Variants in GNB1 observed in about 807,000 individuals in gnomAD.
GNB1 encodes the protein guanine nucleotide-binding protein G(I)/G(S)/G(T) subunit beta-1.
In GNB1, 2 loss-of-function variants were observed where a neutral mutation model predicts 42.9. The ratio of observed to expected loss-of-function variants is 0.05; its 90% confidence interval spans 0.02 to 0.15. GNB1 has a LOEUF of 0.15. GNB1 is among the 10% of genes least tolerant of loss of function. The pLI, the probability that GNB1 is intolerant of heterozygous loss-of-function variation, is 1.00. For synonymous variants in GNB1, 183 were observed against 174.7 expected (o/e 1.05, Z -0.38); for missense variants, 193 against 462.2 (o/e 0.42, Z 5.34).
rs1181902681 is a variant in GNB1, at chr1:1,786,883, A to C, written c.*180T>G. The stretch of plus-strand genomic sequence containing the variant: ...TTACAGCACAGAGATCTTTCTCTCA[A>C]TGGGAATTGTGCTCTTGGTTTCAGC... On this transcript the variant is annotated 3_prime_UTR_variant, in exon 12 of 12. Transcript: ENST00000378609. 1 of 152,916 alleles carries C rather than the reference A, an allele frequency of 6.5e-6. No homozygotes were observed. The allele number at this position is 152,916 out of a possible 1,614,324, so 9.5% of individuals were successfully genotyped here.
At chr1:1,792,849 TGAG>T (rs1452340876) in intron 8 of GNB1, among the ~76,000 whole-genome samples, 2 of 152,132 alleles carry the variant, frequency 1.3e-5, no homozygotes, top group Non-Finnish European at 2.9e-5. Context: ...GCAGGTCACC[TGAG>T]GTCAGGAGTT....
chr1:1,813,156 CT>C (rs554717267), intron 5 of GNB1, among the ~76,000 whole-genome samples: 146 of 145,296 alleles, frequency 1.0e-3, no homozygotes, highest in Middle Eastern at 3.6e-3. Flanking sequence ...AACATTTTTT[CT>C]TTTTTTTTTT....
chr1:1,856,684 C>T (rs1175295957), intron 1 of GNB1, among the ~76,000 whole-genome samples: 1 of 152,176 alleles, frequency 6.6e-6, no homozygotes, highest in Admixed American at 6.5e-5. Flanking sequence ...CCTTGGCCTC[C>T]CAAAGTGCTG....
At chr1:1,799,139 C>G in intron 7 of GNB1, among the ~76,000 whole-genome samples, 1 of 152,144 alleles carries the variant, frequency 6.6e-6, no homozygotes, top group East Asian at 1.9e-4. Flanking sequence ...CCAGGATGGT[C>G]TCGATCTCCT....
Position 1,807,463 on chromosome 1 carries a change from GAAAAAAAAAAAAAAA to G in GNB1, c.204-940_204-926del, listed in dbSNP as rs533616486. Among the ~76,000 whole-genome samples, 76 of 25,588 alleles carry G rather than the reference GAAAAAAAAAAAAAAA, an allele frequency of 3.0e-3. 2 individuals are homozygous for G. Among genetic ancestry groups the G allele is most frequent in the African/African-American group, 0.016 (70 of 4,430 alleles). 16.8% of individuals were successfully genotyped at this position (25,588 alleles called of 152,430 possible). On this transcript the variant is annotated intron_variant, in intron 5 of 11. Transcript: ENST00000378609. ...TGGGCAACAGAGCGAGATCCTGACT[GAAAAAAAAAAAAAAA>G]AAAAAAAAAAAAAAACAAACAGAAA...
chr1:1,810,355 G>A (rs190632983), intron 5 of GNB1, among the ~76,000 whole-genome samples: 55 of 151,614 alleles, frequency 3.6e-4, no homozygotes, highest in African/African-American at 1.2e-3. Context: ...CTGAGCCACC[G>A]CGCCCGGCCC....
intron 2 of GNB1, among the ~76,000 whole-genome samples, chr1:1,836,856 CTTTTTTTTT>C (rs35131919): frequency 5.1e-4 from 61 of 120,162 alleles, no homozygotes; most frequent in Non-Finnish European, 8.0e-4. Flanking sequence ...CGACTGCTAA[CTTTTTTTTT>C]TTTTTTTTTT....
rs1646668617 is a variant in GNB1, at chr1:1,804,399, T to A, written c.430+20A>T. 1 of 1,598,484 alleles carries A rather than the reference T, an allele frequency of 6.3e-7. No homozygotes were observed. Among genetic ancestry groups the A allele is most frequent in the Non-Finnish European group, 8.6e-7 (1 of 1,165,890 alleles). The stretch of plus-strand genomic sequence containing the variant: ...GTAAACAGCTTGTGTCACTTGAAGC[T>A]TATGAACAAGGACAGGTACCTGTGT... On this transcript the variant is annotated intron_variant, in intron 7 of 11. Coordinates refer to ENST00000378609, the MANE Select transcript of GNB1 (RefSeq NM_002074.5).
chr1:1,816,730 C>T (rs909540912), intron 4 of GNB1, among the ~76,000 whole-genome samples: 2 of 150,024 alleles, frequency 1.3e-5, no homozygotes, highest in African/African-American at 4.9e-5. Context: ...CTCACTGCAA[C>T]CTCTGCCTCC....
chr1:1,887,356 C>T (rs1313373104), intron 1 of GNB1, among the ~76,000 whole-genome samples: 1 of 152,136 alleles, frequency 6.6e-6, no homozygotes. Flanking sequence ...GCCCTGAAGA[C>T]CTTTTTCATC....
chr1:1,791,879 G>C (rs1270208669), intron 8 of GNB1, among the ~76,000 whole-genome samples: 1 of 152,138 alleles, frequency 6.6e-6, no homozygotes, highest in Non-Finnish European at 1.5e-5. Flanking sequence ...TGACAATCTA[G>C]GTGACAAATC....
intron 4 of GNB1, among the ~76,000 whole-genome samples, chr1:1,816,243 ACAC>A (rs1271181785): frequency 3.3e-5 from 5 of 152,178 alleles, no homozygotes; most frequent in Non-Finnish European, 7.3e-5. Flanking sequence ...CAGATGTCCC[ACAC>A]CACAATTTAA....
At chr1:1,791,053 C>G (rs1012360138) in intron 8 of GNB1, among the ~76,000 whole-genome samples, 3 of 152,162 alleles carry the variant, frequency 2.0e-5, no homozygotes, top group Non-Finnish European at 4.4e-5. Context: ...TCAGAAAAGG[C>G]AGGCAGGAGA....
intron 5 of GNB1, among the ~76,000 whole-genome samples, chr1:1,809,210 T>C (rs1646743123): frequency 1.3e-5 from 2 of 150,218 alleles, no homozygotes; most frequent in South Asian, 4.2e-4. Flanking sequence ...TTTTTTTTTT[T>C]TGAGAGAGAG....
intron 1 of GNB1, among the ~76,000 whole-genome samples, chr1:1,865,490 G>A (rs1234256986): frequency 6.6e-6 from 1 of 152,100 alleles, no homozygotes; most frequent in Non-Finnish European, 1.5e-5. Context: ...GGAGGCTGAG[G>A]CAGGAGAATC....
intron 5 of GNB1, 126 bp downstream of exon 5, chr1:1,815,630 G>A (rs1201768928): frequency 1.6e-6 from 1 of 620,748 alleles, no homozygotes; most frequent in African/African-American, 1.8e-5. Context: ...CGTGCCCAGA[G>A]TTCTGATTCA....
At position 1,793,230 on chromosome 1, in the gene GNB1, G is replaced by A. The variant is rs141741935; in HGVS notation, c.497+15C>T. 21 of 1,588,646 alleles carry A rather than the reference G, an allele frequency of 1.3e-5. No homozygotes were observed. The highest frequency in any genetic ancestry group is 4.0e-5 in the African/African-American group (3 of 74,584). ...GGGTTCTCAAGGCACTGCCTGCCCC[G>A]GGTCAGGTACTTACCACGTGGTGTC... is the stretch of plus-strand genomic sequence containing the variant. On this transcript the variant is annotated intron_variant, in intron 8 of 11. Transcript: ENST00000378609.
At chr1:1,793,196 A>G in intron 8 of GNB1, 49 bp downstream of exon 8, 2 of 1,135,448 alleles carry the variant, frequency 1.8e-6, no homozygotes, top group East Asian at 2.4e-5. Context: ...GGAATGTGCC[A>G]GGGGCTGTGG....
At chr1:1,788,739 C>T (rs1326621977) in intron 10 of GNB1, 2 of 297,976 alleles carry the variant, frequency 6.7e-6, no homozygotes, top group Non-Finnish European at 1.3e-5. Context: ...GCATGGAACT[C>T]CTCCCCCTGA....
Sources: gnomAD v4.1 joint callset for allele counts (sites outside exome capture counted in the v4.1 genomes callset) on GRCh38, gnomAD v4.1.1 for gene constraint, MANE v1.5 for transcripts, NCBI Gene and HGNC (gene_info 2026-07-23, HGNC 2026-07-21) for gene names.